Variants in GTF2IRD1 observed in about 807,000 individuals in gnomAD.
GTF2IRD1 encodes GTF2I repeat domain containing 1.
A neutral mutation model predicts 113.2 loss-of-function variants in GTF2IRD1; 26 were observed. The observed-to-expected ratio is 0.23, with a 90% CI of 0.17 to 0.32. The LOEUF (loss-of-function observed/expected upper bound fraction) is 0.32, where lower values mean the gene tolerates loss of function less well. Among genes scored for constraint, GTF2IRD1 ranks in the 10% least tolerant of loss-of-function variants. The pLI is 1.00. For synonymous variants in GTF2IRD1, 484 were observed against 529.1 expected (o/e 0.91, Z 1.17); for missense variants, 864 against 1,280.8 (o/e 0.67, Z 4.97).
In GTF2IRD1 at chr7:74,589,899, A is replaced by G. The variant is rs1554368929; in HGVS notation, c.2369A>G (p.Gln790Arg). 2 of 1,611,440 alleles carry G rather than the reference A, an allele frequency of 1.2e-6. No homozygotes were observed. Among genetic ancestry groups the G allele is most frequent in the Non-Finnish European group, 1.7e-6 (2 of 1,177,734 alleles). ...GGGGAGAAGGTGATCCTGCGGGAGC[A>G]GGTGAAGGAACTCTTCAACGAGAAA... ...RLGEKVILRE[Q>R]VKELFNEKYG... The change falls in exon 23 of 27, where the codon CAG (glutamine) becomes CGG (arginine). Residue 790 changes from glutamine to arginine, a missense_variant. Gln to Arg is a conservative substitution (Grantham distance 43, BLOSUM62 1). This residue lies in a region of GTF2IRD1 where 195 missense variants were observed against 359.1 expected (regional missense o/e 0.54). Transcript: ENST00000424337.
At chr7:74,580,601 T>A (rs1801358147) in intron 22 of GTF2IRD1, among the ~76,000 whole-genome samples, 1 of 151,890 alleles carries the variant, frequency 6.6e-6, no homozygotes, top group Admixed American at 6.6e-5. Flanking sequence ...CAAATTTCAG[T>A]TACTCCTTGG....
chr7:74,550,178 A>G (rs1562861531), intron 17 of GTF2IRD1, among the ~76,000 whole-genome samples: 1 of 152,178 alleles, frequency 6.6e-6, no homozygotes, highest in Non-Finnish European at 1.5e-5. Flanking sequence ...CCTGGGGGAC[A>G]GTAACACTCT....
At chr7:74,484,702 A>AC (rs1444202295) in intron 1 of GTF2IRD1, among the ~76,000 whole-genome samples, 1 of 148,532 alleles carries the variant, frequency 6.7e-6, no homozygotes, top group African/African-American at 2.5e-5. Flanking sequence ...CAGGTGATCC[A>AC]CCCGCCTCAG....
intron 1 of GTF2IRD1, among the ~76,000 whole-genome samples, chr7:74,497,217 C>T (rs1409960371): frequency 6.6e-6 from 1 of 152,122 alleles, no homozygotes; most frequent in Non-Finnish European, 1.5e-5. Flanking sequence ...ACAGTTCCAC[C>T]TCTGGGTATA....
chr7:74,580,488 G>T (rs587692626), intron 22 of GTF2IRD1, among the ~76,000 whole-genome samples: 241 of 152,272 alleles, frequency 1.6e-3, no homozygotes, highest in Non-Finnish European at 3.1e-3. Context: ...AGAGAGAGCC[G>T]TGGAGCCAGC....
At chr7:74,587,248 C>G (rs1329029869) in intron 22 of GTF2IRD1, among the ~76,000 whole-genome samples, 1 of 152,074 alleles carries the variant, frequency 6.6e-6, no homozygotes, top group Non-Finnish European at 1.5e-5. Flanking sequence ...AGTTTGAGAC[C>G]ACCCTGGCCA....
At chr7:74,484,278 G>A (rs955099831) in intron 1 of GTF2IRD1, among the ~76,000 whole-genome samples, 3 of 151,912 alleles carry the variant, frequency 2.0e-5, no homozygotes, top group Non-Finnish European at 4.4e-5. Context: ...CTAACATGAT[G>A]GTCTTTTTTT....
At chr7:74,517,003 TG>T (rs201242540) in intron 4 of GTF2IRD1, among the ~76,000 whole-genome samples, 2,764 of 138,382 alleles carry the variant, frequency 0.02, 115 homozygotes, top group East Asian at 0.18. Context: ...CTCCTGTCTT[TG>T]TTGTTGTTGT....
At chr7:74,591,334 T>C (rs1802048257) in intron 24 of GTF2IRD1, among the ~76,000 whole-genome samples, 1 of 150,468 alleles carries the variant, frequency 6.6e-6, no homozygotes, top group Admixed American at 6.6e-5. Flanking sequence ...ATTTATTATA[T>C]ATTTTAGAAT....
rs782532841 is a variant in GTF2IRD1, at chr7:74,529,729, T to A, written c.1091-5T>A. On this transcript the variant is annotated splice_polypyrimidine_tract_variant and splice_region_variant and intron_variant, in intron 8 of 26. Coordinates refer to ENST00000424337, the MANE Select transcript of GTF2IRD1 (RefSeq NM_005685.4). ...CTCAGCCTTGCTGTTTGGTTGTCTT[T>A]CCAGCGGAAGCCCTGGGCCTGGACC... 2.5e-6 allele frequency: 4 copies of A among 1,613,736 alleles called. No individual in the cohort carries two copies. Among genetic ancestry groups the A allele is most frequent in the Non-Finnish European group, 3.4e-6 (4 of 1,179,756 alleles).
chr7:74,459,527 ACACGG>A (rs1793224250), intron 1 of GTF2IRD1, among the ~76,000 whole-genome samples: 1 of 151,960 alleles, frequency 6.6e-6, no homozygotes. Flanking sequence ...ACTTTATCTT[ACACGG>A]TCTTAGGGAG....
At chr7:74,556,692 T>TG (rs1371098778) in intron 19 of GTF2IRD1, among the ~76,000 whole-genome samples, 1 of 148,006 alleles carries the variant, frequency 6.8e-6, no homozygotes, top group Non-Finnish European at 1.5e-5. Flanking sequence ...GGTGCGATCT[T>TG]GGCTCACTAC....
At chr7:74,465,453 C>T (rs1793647461) in intron 1 of GTF2IRD1, among the ~76,000 whole-genome samples, 1 of 152,220 alleles carries the variant, frequency 6.6e-6, no homozygotes, top group Non-Finnish European at 1.5e-5. Context: ...GACTGCTGAG[C>T]TGCTGTGTGA....
chr7:74,492,813 G>A (rs55831947), intron 1 of GTF2IRD1, among the ~76,000 whole-genome samples: 1 of 152,002 alleles, frequency 6.6e-6, no homozygotes, highest in African/African-American at 2.4e-5. Context: ...CCTGGGGGCT[G>A]CCAGCACTCC....
At chr7:74,462,434 C>T (rs37634) in intron 1 of GTF2IRD1, among the ~76,000 whole-genome samples, 40,154 of 152,102 alleles carry the variant, frequency 0.26, 6,091 homozygotes, top group Middle Eastern at 0.38. Context: ...AAATGGAATC[C>T]TACAGTCCAC....
chr7:74,522,799 C>A (rs1554346287), intron 7 of GTF2IRD1, among the ~76,000 whole-genome samples: 1 of 152,178 alleles, frequency 6.6e-6, no homozygotes, highest in East Asian at 1.9e-4. Flanking sequence ...GGACTAATAT[C>A]TCTGTTTAAA....
intron 9 of GTF2IRD1, among the ~76,000 whole-genome samples, chr7:74,530,134 C>T (rs587776194): frequency 3.9e-5 from 6 of 152,036 alleles, no homozygotes; most frequent in Non-Finnish European, 7.4e-5. Context: ...CTCTTGAACC[C>T]GGGAGGCAGA....
intron 9 of GTF2IRD1, among the ~76,000 whole-genome samples, chr7:74,531,385 A>G (rs1434955543): frequency 1.3e-5 from 2 of 152,144 alleles, no homozygotes; most frequent in Non-Finnish European, 2.9e-5. Flanking sequence ...AATAAATTAA[A>G]CATAGAATAA....
intron 22 of GTF2IRD1, among the ~76,000 whole-genome samples, chr7:74,562,462 G>A (rs1456437465): frequency 4.6e-5 from 7 of 151,298 alleles, no homozygotes; most frequent in Non-Finnish European, 1.0e-4. Flanking sequence ...CGCCAAGATG[G>A]ACAAGCACAC....
Sources: allele counts gnomAD v4.1 joint callset (sites outside exome capture counted in the v4.1 genomes callset), GRCh38; gene constraint gnomAD v4.1.1; regional missense constraint gnomAD v4.1.1; transcripts MANE v1.5; gene names NCBI Gene and HGNC (gene_info 2026-07-23, HGNC 2026-07-21).